Variants in TRRAP observed in about 807,000 individuals in gnomAD.
TRRAP encodes the protein transformation/transcription domain associated protein.
A neutral mutation model predicts 438.8 loss-of-function variants in TRRAP; 41 were observed. That is an observed-to-expected ratio of 0.09 (90% confidence interval 0.07 to 0.12). The LOEUF (loss-of-function observed/expected upper bound fraction) is 0.12. Ranked by LOEUF, TRRAP falls within the 10% of genes least tolerant of loss-of-function variation. The pLI, the probability that TRRAP is intolerant of heterozygous loss-of-function variation, is 1.00. For synonymous variants in TRRAP, 1,994 were observed against 1,962.9 expected (o/e 1.02, Z -0.42); for missense variants, 3,122 against 5,055.1 (o/e 0.62, Z 11.60).
In TRRAP at chr7:98,956,600, A is replaced by G. The variant is rs1791629522; in HGVS notation, c.6231+67A>G. On this transcript the variant is annotated intron_variant, in intron 43 of 72. Transcript: ENST00000456197. The surrounding 1 kb of genome is among the most constrained non-coding windows in gnomAD (Gnocchi z 4.5). The stretch of plus-strand genomic sequence containing the variant: ...GGGAGTTGGTTCGTTTATTCCCTAT[A>G]TTTAGAATGTGAGCTCGGTGCTCAG... 1.3e-6 allele frequency: 2 copies of G among 1,556,610 alleles called. No individual in the cohort carries two copies.
intron 22 of TRRAP, among the ~76,000 whole-genome samples, chr7:98,925,735 A>G (rs1554411445): frequency 6.6e-6 from 1 of 152,198 alleles, no homozygotes; most frequent in Non-Finnish European, 1.5e-5. Flanking sequence ...ACACACACAT[A>G]CCATTTTTCT....
At chr7:98,988,115 T>C (rs1793230684) in intron 62 of TRRAP, among the ~76,000 whole-genome samples, 1 of 152,212 alleles carries the variant, frequency 6.6e-6, no homozygotes, top group Non-Finnish European at 1.5e-5. Context: ...TCGAGGATGT[T>C]TGCGTCTGTA....
intron 20 of TRRAP, among the ~76,000 whole-genome samples, chr7:98,920,044 G>C (rs1383376440): frequency 6.6e-6 from 1 of 152,216 alleles, no homozygotes; most frequent in Non-Finnish European, 1.5e-5. Flanking sequence ...TTATTAAGAA[G>C]CCTGTTTGAA....
rs782068635 is a variant in TRRAP, at chr7:98,911,189, T to A, written c.1925T>A (p.Met642Lys). The change falls in exon 17 of 73, where the codon ATG (methionine) becomes AAG (lysine). Residue 642 changes from methionine to lysine, a missense_variant. Around this residue, in one of 24 missense-constraint regions of TRRAP, gnomAD observed 149 missense variants for 302.8 expected, o/e 0.49. Transcript: ENST00000456197. ...LEHFAGVFTM[M>K]NPLTFKEIFQ... Reference sequence around the variant, plus strand: ...CATTTCGCTGGTGTGTTCACAATGATGAACCCCTTAACGTTCAAAGAAATC... The same window carrying A: ...CATTTCGCTGGTGTGTTCACAATGAAGAACCCCTTAACGTTCAAAGAAATC... 1 of 1,614,224 alleles carries A rather than the reference T, an allele frequency of 6.2e-7. No individual in the cohort carries two copies. Among genetic ancestry groups the A allele is most frequent in the Non-Finnish European group, 8.5e-7 (1 of 1,180,028 alleles).
At chr7:98,901,938 C>G (rs1554406718) in intron 11 of TRRAP, among the ~76,000 whole-genome samples, 1 of 152,156 alleles carries the variant, frequency 6.6e-6, no homozygotes, top group East Asian at 1.9e-4. Flanking sequence ...AGATTTGTAC[C>G]ATTACCACCA....
In TRRAP at chr7:99,013,178, T is replaced by G. The variant is rs1794496040; in HGVS notation, c.*823T>G. 6.6e-6 allele frequency: 1 copy of G among 152,272 alleles called. No homozygotes were observed. Among genetic ancestry groups the G allele is most frequent in the African/African-American group, 2.4e-5 (1 of 41,470 alleles). 9.4% of individuals were successfully genotyped at this position (152,272 alleles called of 1,614,324 possible). A position where few individuals can be genotyped will look rare whatever the true frequency, so the allele number is the denominator to read the frequency against. ...CCATTTTTATAAATCTGAGCATTGA[T>G]AATGTTCTATCTAAATTTGTACAGT... On this transcript the variant is annotated 3_prime_UTR_variant, in exon 73 of 73. Coordinates refer to ENST00000456197, the MANE Select transcript of TRRAP (RefSeq NM_001375524.1).
At chr7:98,981,691 G>T (rs529071297) in intron 58 of TRRAP, 78 bp from the exon 59 acceptor site, 2 of 1,451,786 alleles carry the variant, frequency 1.4e-6, no homozygotes, top group East Asian at 2.7e-5. Flanking sequence ...CAAAAAAAGT[G>T]ATCTTTTTCC....
At chr7:98,920,681 G>A (rs993498369) in intron 20 of TRRAP, among the ~76,000 whole-genome samples, 19 of 152,072 alleles carry the variant, frequency 1.2e-4, no homozygotes, top group African/African-American at 4.3e-4. Context: ...TTTTTCCTTT[G>A]CCACCCTTTC....
chr7:98,955,310 T>C lies in TRRAP; in HGVS notation c.5937+6T>C, dbSNP rs1554419359. ...TGATAGTGCAACACTTCAAGGTGTG[T>C]AGGAGGGACGGTGGGCTGCGGGGCG... On this transcript the variant is annotated splice_donor_region_variant and intron_variant, in intron 41 of 72. Transcript: ENST00000456197. 6.2e-7 allele frequency: 1 copy of C among 1,600,718 alleles called. No homozygotes were observed. The highest frequency in any genetic ancestry group is 8.6e-7 in the Non-Finnish European group (1 of 1,169,274).
intron 51 of TRRAP, among the ~76,000 whole-genome samples, chr7:98,969,733 G>A (rs1792324743): frequency 1.3e-5 from 2 of 150,150 alleles, no homozygotes; most frequent in South Asian, 2.2e-4. Context: ...CTGAGGCTGC[G>A]GGAAGCTATG....
At position 98,978,390 on chromosome 7, in the gene TRRAP, C is replaced by A. The variant is rs563838443; in HGVS notation, c.8498+67C>A. On this transcript the variant is annotated intron_variant, in intron 57 of 72. Coordinates refer to ENST00000456197, the MANE Select transcript of TRRAP (RefSeq NM_001375524.1). ...AGGGAACCAGGGAAAAATCTCTGAC[C>A]TTTTCTTGTAATGAGCGTTTTTTAA... 5 of 1,417,230 alleles carry A rather than the reference C, an allele frequency of 3.5e-6. No homozygotes were observed. In the South Asian group the frequency reaches 6.1e-5, roughly 17 times the overall value. 87.8% of individuals were successfully genotyped at this position (1,417,230 alleles called of 1,614,324 possible).
At chr7:98,974,157 G>A (rs1344155773) in intron 53 of TRRAP, among the ~76,000 whole-genome samples, 1 of 152,204 alleles carries the variant, frequency 6.6e-6, no homozygotes. Flanking sequence ...GGGTGCCGGG[G>A]TAAAGCAGCC....
chr7:99,002,772 G>A (rs1192331376), intron 67 of TRRAP, among the ~76,000 whole-genome samples: 1 of 152,198 alleles, frequency 6.6e-6, no homozygotes, highest in Admixed American at 6.5e-5. Context: ...TGAAACCAAT[G>A]ACATTTGTGG....
rs148332844 is a variant in TRRAP at position 98,977,052 on chromosome 7, C to T, written c.8361C>T (p.Tyr2787=). ...KYSETATAIA[Y]EQHGFFEQAQ... The stretch of plus-strand genomic sequence containing the variant: ...CGGAGACAGCGACTGCGATTGCTTA[C>T]GAGCAGCACGGGTTCTTTGAGCAGG... Residue 2787 remains tyrosine (Y), a synonymous_variant, in exon 56 of 73, where the codon TAC becomes TAT. Transcript: ENST00000456197. 6.4e-5 allele frequency: 104 copies of T among 1,614,092 alleles called. No individual in the cohort carries two copies. Among genetic ancestry groups the T allele is most frequent in the Middle Eastern group, 1.6e-4 (1 of 6,084 alleles).
intron 20 of TRRAP, among the ~76,000 whole-genome samples, chr7:98,919,043 T>C (rs1789667288): frequency 6.6e-6 from 1 of 152,090 alleles, no homozygotes; most frequent in South Asian, 2.1e-4. Context: ...TCCTACATAT[T>C]TTGCTGTTGT....
chr7:98,894,323 A>G (rs1281080912), intron 6 of TRRAP, among the ~76,000 whole-genome samples: 8 of 152,172 alleles, frequency 5.3e-5, no homozygotes, highest in Non-Finnish European at 8.8e-5. Flanking sequence ...ATGTCATTTG[A>G]GGAATTAGAC....
In TRRAP at chr7:98,912,344, A is replaced by G. The variant is rs549195571; in HGVS notation, c.2199+131A>G. On this transcript the variant is annotated intron_variant, in intron 18 of 72. Coordinates refer to ENST00000456197, the MANE Select transcript of TRRAP (RefSeq NM_001375524.1). ...GCAATCCACCTGCCTTGATCTCCCC[A>G]GTTTTTGGGACTATAGGCACTCACC... is the stretch of plus-strand genomic sequence containing the variant. 3.4e-6 allele frequency: 3 copies of G among 882,220 alleles called. No individual in the cohort carries two copies. The African/African-American group carries it at 5.2e-5, about 15-fold the overall frequency. The allele number at this position is 882,220 out of a possible 1,614,324, so 54.6% of individuals were successfully genotyped here.
chr7:98,972,004 A>G, intron 53 of TRRAP, 59 bp downstream of exon 53: 1 of 1,567,414 alleles, frequency 6.4e-7, no homozygotes, highest in East Asian at 2.3e-5. Flanking sequence ...TTCAAAGCCT[A>G]AATCAGGATC....
intron 69 of TRRAP, among the ~76,000 whole-genome samples, chr7:99,007,139 C>G (rs932292097): frequency 6.6e-6 from 1 of 152,236 alleles, no homozygotes; most frequent in Non-Finnish European, 1.5e-5. Context: ...CAGGTTGATG[C>G]TGGTTGCTTT....
Sources: allele counts gnomAD v4.1 joint callset (sites outside exome capture counted in the v4.1 genomes callset), GRCh38; gene constraint gnomAD v4.1.1; regional missense constraint gnomAD v4.1.1; non-coding constraint Gnocchi (gnomAD v3.1); transcripts MANE v1.5; gene names NCBI Gene and HGNC (gene_info 2026-07-23, HGNC 2026-07-21).